REPS2: variants seen among roughly 807,000 people sequenced by gnomAD.
REPS2 encodes the protein RALBP1 associated Eps domain containing 2, also known as ralBP1-associated Eps domain-containing protein 2.
Under a neutral mutation model 53.6 loss-of-function variants are expected in REPS2, and 23 were observed. The ratio of observed to expected loss-of-function variants is 0.43; its 90% confidence interval spans 0.31 to 0.61. REPS2 has a LOEUF of 0.61. REPS2 is among the 20% of genes least tolerant of loss of function. The pLI, the probability that REPS2 is intolerant of heterozygous loss-of-function variation, is 0.11. For synonymous variants in REPS2, 238 were observed against 218.6 expected, an observed-to-expected ratio of 1.09 and a Z score of -0.78; for missense variants, 446 against 534.9, an observed-to-expected ratio of 0.83 and a Z score of 1.64.
chrX:17,007,708 A>C (rs1260987977), intron 2 of REPS2, among the ~76,000 whole-genome samples: 2 of 112,368 alleles, frequency 1.8e-5, no homozygotes, highest in African/African-American at 6.5e-5. Flanking sequence ...AGTGCAGAGC[A>C]GGTGGGAGAA....
At chrX:17,116,274 T>A (rs1435508627) in intron 14 of REPS2, among the ~76,000 whole-genome samples, 1 of 110,515 alleles carries the variant, frequency 9.0e-6, no homozygotes, top group South Asian at 4.0e-4. Context: ...AATGGGATGA[T>A]CCATGGCTCA....
chrX:17,076,134 A>T (rs1269934425), intron 12 of REPS2, among the ~76,000 whole-genome samples: 2 of 112,307 alleles, frequency 1.8e-5, no homozygotes, highest in Admixed American at 9.4e-5. Flanking sequence ...TGAGAAATTT[A>T]TTCAGGAAAA....
chrX:17,032,618 C>T (rs1486251760), intron 5 of REPS2, among the ~76,000 whole-genome samples: 1 of 111,670 alleles, frequency 9.0e-6, no homozygotes, highest in Admixed American at 9.5e-5. Context: ...GGTGACTAAT[C>T]CCCCTCATGT....
chrX:17,114,672 G>A (rs1048450207), intron 14 of REPS2, among the ~76,000 whole-genome samples: 3 of 112,473 alleles, frequency 2.7e-5, no homozygotes, highest in African/African-American at 9.7e-5. Flanking sequence ...CTCAGAAATA[G>A]TGATAAGACA....
chrX:17,189,272 CTTTTCTTTTCTTT>C, the REPS2 span, among the ~76,000 whole-genome samples: 1 of 108,720 alleles, frequency 9.2e-6, no homozygotes, highest in Non-Finnish European at 1.9e-5. Flanking sequence ...ATGCCACTTT[CTTTTCTTTTCTTT>C]TTTTCTTTTT....
At chrX:16,964,361 A>T (rs1357855470) in intron 1 of REPS2, among the ~76,000 whole-genome samples, 1 of 109,686 alleles carries the variant, frequency 9.1e-6, no homozygotes, top group East Asian at 2.9e-4. Flanking sequence ...GTCACCGATC[A>T]ACAGGATCCC....
chrX:17,119,017 C>T (rs1455925114), intron 14 of REPS2, among the ~76,000 whole-genome samples: 1 of 112,697 alleles, frequency 8.9e-6, no homozygotes, highest in Non-Finnish European at 1.9e-5. Flanking sequence ...TTATCAAGCA[C>T]TTCAACAGAG....
chrX:17,022,517 C>T (rs765443838), intron 3 of REPS2: 7 of 240,182 alleles, frequency 2.9e-5, no homozygotes, highest in East Asian at 6.6e-5. Context: ...ATAAGGCTAC[C>T]GATTTAATAC....
intron 6 of REPS2, among the ~76,000 whole-genome samples, chrX:17,050,190 C>CT (rs1476795089): frequency 2.1e-5 from 1 of 48,714 alleles, no homozygotes; most frequent in Non-Finnish European, 3.6e-5. Context: ...TTCTTTCTTT[C>CT]TTTCTTTTTT....
intron 2 of REPS2, among the ~76,000 whole-genome samples, chrX:17,018,436 A>C (rs1027297338): frequency 8.2e-5 from 9 of 109,847 alleles, no homozygotes; most frequent in South Asian, 3.9e-4. Context: ...TGATCTGCCC[A>C]CCTCAGCCTC....
At chrX:17,066,615 G>A (rs1305355847) in intron 9 of REPS2, among the ~76,000 whole-genome samples, 1 of 112,149 alleles carries the variant, frequency 8.9e-6, no homozygotes, top group Non-Finnish European at 1.9e-5. Context: ...GTTTTAATGA[G>A]TAAATCCCAG....
At chrX:17,035,488 A>G (rs1225398372) in intron 5 of REPS2, among the ~76,000 whole-genome samples, 1 of 110,533 alleles carries the variant, frequency 9.0e-6, no homozygotes, top group African/African-American at 3.3e-5. Flanking sequence ...TGTCTAACCT[A>G]ATACTCAGCC....
chrX:17,040,979 A>AG (rs757868354), intron 5 of REPS2, among the ~76,000 whole-genome samples: 1 of 111,767 alleles, frequency 8.9e-6, no homozygotes, highest in East Asian at 2.8e-4. Flanking sequence ...ACATTCATTG[A>AG]GGGAACAGCT....
intron 14 of REPS2, among the ~76,000 whole-genome samples, chrX:17,127,565 G>A (rs1259696656): frequency 8.9e-6 from 1 of 111,937 alleles, no homozygotes; most frequent in Admixed American, 9.4e-5. Flanking sequence ...GGGGGATGGT[G>A]TTGAGTGTTT....
intron 12 of REPS2, 34 bp from the exon 13 acceptor site, chrX:17,077,237 A>T: frequency 8.8e-7 from 1 of 1,142,117 alleles, no homozygotes; most frequent in East Asian, 3.1e-5. Context: ...AAGCTTTGCT[A>T]TTTCGCTTCT....
intron 2 of REPS2, among the ~76,000 whole-genome samples, chrX:17,010,715 A>T (rs984823071): frequency 1.8e-5 from 2 of 111,348 alleles, no homozygotes; most frequent in Non-Finnish European, 3.8e-5. Flanking sequence ...TCTACGCATG[A>T]GGAGGGTGTC....
At chrX:16,979,855 G>A (rs1349806065) in intron 1 of REPS2, among the ~76,000 whole-genome samples, 1 of 108,912 alleles carries the variant, frequency 9.2e-6, no homozygotes, top group Admixed American at 9.9e-5. Context: ...CCAAGAAATC[G>A]GTGGATAGAA....
At chrX:17,011,751 A>G (rs1395657905) in intron 2 of REPS2, among the ~76,000 whole-genome samples, 2 of 110,625 alleles carry the variant, frequency 1.8e-5, no homozygotes, top group African/African-American at 6.6e-5. Context: ...CCTTGTCTCT[A>G]CTAAGTTCGA....
At chrX:17,132,381 A>T (rs1265477029) in intron 14 of REPS2, among the ~76,000 whole-genome samples, 5 of 111,812 alleles carry the variant, frequency 4.5e-5, no homozygotes, top group Non-Finnish European at 5.6e-5. Context: ...GGAAATAAAG[A>T]GGAATTTGTT....
Sources: allele counts gnomAD v4.1 joint callset (sites outside exome capture counted in the v4.1 genomes callset), GRCh38; gene constraint gnomAD v4.1.1; transcripts MANE v1.5; gene names NCBI Gene and HGNC (gene_info 2026-07-23, HGNC 2026-07-21).